CLHC1: variants seen among roughly 807,000 people sequenced by gnomAD.
CLHC1 encodes the protein clathrin heavy chain linker domain-containing protein 1.
In CLHC1, 72 loss-of-function variants were observed where a neutral mutation model predicts 69.5. The ratio of observed to expected loss-of-function variants is 1.04; its 90% confidence interval spans 0.86 to 1.26. The LOEUF (loss-of-function observed/expected upper bound fraction) is 1.26, where lower values mean the gene tolerates loss of function less well. CLHC1 is among the 50% of genes most tolerant of loss of function. The pLI, the probability that CLHC1 is intolerant of heterozygous loss-of-function variation, is 0.00. For missense variants in CLHC1, 790 were observed against 679.3 expected, an observed-to-expected ratio of 1.16 and a Z score of -1.81; for synonymous variants, 223 against 224.3, an observed-to-expected ratio of 0.99 and a Z score of 0.05.
At chr2:55,226,346 T>C (rs1178960162) in intron 2 of CLHC1, among the ~76,000 whole-genome samples, 2 of 152,166 alleles carry the variant, frequency 1.3e-5, no homozygotes, top group Non-Finnish European at 2.9e-5. Flanking sequence ...ATCGTAACTT[T>C]TTCCCTAATT....
At chr2:55,222,166 A>G in intron 3 of CLHC1, 69 bp downstream of exon 3, 1 of 1,063,630 alleles carries the variant, frequency 9.4e-7, no homozygotes, top group Non-Finnish European at 1.4e-6. Flanking sequence ...TAAGGCAGGA[A>G]TATTGGTTGT....
Position 55,175,549 on chromosome 2 carries a change from C to A in CLHC1, c.*241G>T. 2 of 472,832 alleles carry A rather than the reference C, an allele frequency of 4.2e-6. No homozygotes were observed. The highest frequency in any genetic ancestry group is 7.5e-6 in the Non-Finnish European group (2 of 265,516). 29.3% of individuals were successfully genotyped at this position (472,832 alleles called of 1,614,324 possible). A position where few individuals can be genotyped will look rare whatever the true frequency, so the allele number is the denominator to read the frequency against. ...TAAAAATGCCCTACACTGTTTCACA[C>A]AAAGTTATAATCTTGGATTTTATCA... On this transcript the variant is annotated 3_prime_UTR_variant, in exon 13 of 13. Coordinates refer to ENST00000401408, the MANE Select transcript of CLHC1 (RefSeq NM_152385.4).
intron 5 of CLHC1, among the ~76,000 whole-genome samples, chr2:55,210,875 G>C (rs1208989506): frequency 6.6e-6 from 1 of 151,994 alleles, no homozygotes; most frequent in East Asian, 1.9e-4. Context: ...TATAGAGAGA[G>C]AGAGAGAGGC....
intron 3 of CLHC1, among the ~76,000 whole-genome samples, chr2:55,220,476 C>A (rs1048375454): frequency 1.3e-5 from 2 of 152,130 alleles, no homozygotes; most frequent in Non-Finnish European, 2.9e-5. Flanking sequence ...GAATTCTTTA[C>A]AAGGTAAAAT....
intron 9 of CLHC1, among the ~76,000 whole-genome samples, chr2:55,195,870 A>G (rs758449348): frequency 6.6e-6 from 1 of 152,212 alleles, no homozygotes; most frequent in Non-Finnish European, 1.5e-5. Context: ...CACCTTCATA[A>G]GAACAAAAAT....
Position 55,206,319 on chromosome 2 carries a change from G to C in CLHC1, c.957C>G (p.Asn319Lys), listed in dbSNP as rs551535581. The change falls in exon 9 of 13, where the codon AAC becomes AAG. Residue 319 changes from asparagine to lysine, a missense_variant. Asn to Lys is a moderately conservative substitution (Grantham distance 94). Coordinates refer to ENST00000401408, the MANE Select transcript of CLHC1 (RefSeq NM_152385.4). ...TGTTTCGAAGAATTCTTCTAGGACT[G>C]TTTGCTGCATAACAAGCTGCCTTTT... Reference protein sequence around the residue: ...EYEKAACYAANSPRRILRNIG... With the variant: ...EYEKAACYAAKSPRRILRNIG... 9.3e-6 allele frequency: 15 copies of C among 1,611,632 alleles called. No homozygotes were observed. The South Asian group carries it at 1.5e-4, about 17-fold the overall frequency.
rs1669720824 is a variant in CLHC1 at position 55,179,604 on chromosome 2, G to A, written c.1384+906C>T. 3.9e-5 allele frequency among the ~76,000 whole-genome samples: 6 copies of A among 152,048 alleles called. No individual in the cohort carries two copies. The South Asian group carries it at 1.2e-3, about 32-fold the overall frequency. On this transcript the variant is annotated intron_variant, in intron 11 of 12. Transcript: ENST00000401408. The stretch of plus-strand genomic sequence containing the variant: ...TTCCATTTTGCATCTTCTTAGAACT[G>A]GGATACATAGCCTGCAAATCAGGAC...
chr2:55,189,192 T>C (rs1670690346), intron 9 of CLHC1, among the ~76,000 whole-genome samples: 1 of 151,838 alleles, frequency 6.6e-6, no homozygotes, highest in Non-Finnish European at 1.5e-5. Context: ...AAAGCCAAGA[T>C]AGGAGAAAAG....
chr2:55,208,853 C>T (rs1024207732), intron 7 of CLHC1, 143 bp from the exon 8 acceptor site: 41 of 499,364 alleles, frequency 8.2e-5, no homozygotes, highest in East Asian at 1.3e-4. Flanking sequence ...GTGGCCTCCC[C>T]GTCCCTTTCC....
chr2:55,216,698 T>TC (rs1673547574), intron 4 of CLHC1, among the ~76,000 whole-genome samples: 1 of 99,634 alleles, frequency 1.0e-5, no homozygotes, highest in African/African-American at 3.3e-5. Context: ...TTTTTTAAAC[T>TC]TTTTTGTAAC....
At chr2:55,217,562 T>A (rs1398773619) in intron 4 of CLHC1, among the ~76,000 whole-genome samples, 119 of 86,120 alleles carry the variant, frequency 1.4e-3, no homozygotes, top group East Asian at 3.0e-3. Context: ...AATATATATA[T>A]ATATATATAT....
chr2:55,188,568 T>C (rs376000052), intron 9 of CLHC1, among the ~76,000 whole-genome samples: 4 of 152,112 alleles, frequency 2.6e-5, no homozygotes, highest in Non-Finnish European at 5.9e-5. Flanking sequence ...AAGATATGCA[T>C]ACCTTATGAC....
intron 9 of CLHC1, among the ~76,000 whole-genome samples, chr2:55,193,190 A>G (rs1262925884): frequency 6.6e-6 from 1 of 152,134 alleles, no homozygotes; most frequent in African/African-American, 2.4e-5. Flanking sequence ...CCGCGCCTGG[A>G]CAGATCTCTA....
At chr2:55,176,124 T>C (rs1182754915) in intron 12 of CLHC1, 138 bp from the exon 13 acceptor site, 3 of 705,004 alleles carry the variant, frequency 4.3e-6, no homozygotes, top group Non-Finnish European at 7.0e-6. Flanking sequence ...AGATTAATGA[T>C]ATAACATGCA....
In CLHC1 at chr2:55,209,528, A is replaced by G. The variant is rs747765393; in HGVS notation, c.702-12T>C. On this transcript the variant is annotated splice_polypyrimidine_tract_variant and intron_variant, in intron 6 of 12. Coordinates refer to ENST00000401408, the MANE Select transcript of CLHC1 (RefSeq NM_152385.4). ...GCAGTCTTTGATGACTAAAAAGATAAAAAACGTCAATAACACACTGAGCCT... is the reference window on the plus strand; with the variant it reads ...GCAGTCTTTGATGACTAAAAAGATAGAAAACGTCAATAACACACTGAGCCT... The G allele has an allele frequency of 1.9e-6, 3 of 1,589,750 alleles. No homozygotes were observed. The South Asian group carries it at 3.4e-5, about 18-fold the overall frequency.
intron 9 of CLHC1, among the ~76,000 whole-genome samples, chr2:55,187,893 T>C (rs1670564989): frequency 6.6e-6 from 1 of 152,120 alleles, no homozygotes; most frequent in Admixed American, 6.5e-5. Flanking sequence ...CTCATTTTAA[T>C]TAACAAAAGA....
At chr2:55,179,738 G>A (rs190953244) in intron 11 of CLHC1, among the ~76,000 whole-genome samples, 1,977 of 152,150 alleles carry the variant, frequency 0.013, 93 homozygotes, top group Admixed American at 0.095. Context: ...GTCACCCTAA[G>A]GTCCACAGTT....
intron 9 of CLHC1, among the ~76,000 whole-genome samples, chr2:55,198,472 C>A (rs1671634066): frequency 6.6e-6 from 1 of 152,104 alleles, no homozygotes; most frequent in South Asian, 2.1e-4. Context: ...GTAGTTTCAG[C>A]TATTCAGGAG....
chr2:55,229,163 A>AAG (rs1675011243), intron 1 of CLHC1, among the ~76,000 whole-genome samples: 2 of 149,832 alleles, frequency 1.3e-5, no homozygotes, highest in South Asian at 4.2e-4. Context: ...AAAAAAAAAA[A>AAG]AAAAAAGAAA....
Sources: allele counts gnomAD v4.1 joint callset (sites outside exome capture counted in the v4.1 genomes callset), GRCh38; gene constraint gnomAD v4.1.1; transcripts MANE v1.5; gene names NCBI Gene and HGNC (gene_info 2026-07-23, HGNC 2026-07-21).